Variants in PAK5 observed in about 807,000 individuals in gnomAD.
The protein encoded by PAK5 is p21 (RAC1) activated kinase 5.
In PAK5, 16 loss-of-function variants were observed where a neutral mutation model predicts 65.9. That is an observed-to-expected ratio of 0.24 (90% CI 0.16 to 0.37). PAK5 has a LOEUF of 0.37. Among genes scored for constraint, PAK5 ranks in the 10% least tolerant of loss-of-function variants. The probability of loss-of-function intolerance (pLI) is 1.00; values close to 1 mark genes in which losing one functional copy is unlikely to be tolerated. For missense variants in PAK5, 785 were observed against 903.9 expected (o/e 0.87, Z 1.69); for synonymous variants, 371 against 354.9 (o/e 1.05, Z -0.51).
At chr20:9,701,797 C>T (rs2047942317) in intron 2 of PAK5, among the ~76,000 whole-genome samples, 1 of 151,876 alleles carries the variant, frequency 6.6e-6, no homozygotes, top group Admixed American at 6.6e-5. Flanking sequence ...TCAGGAGTTC[C>T]AGAGCAGCCA....
intron 2 of PAK5, among the ~76,000 whole-genome samples, chr20:9,679,961 A>T (rs1221965178): frequency 6.6e-6 from 1 of 152,166 alleles, no homozygotes; most frequent in Non-Finnish European, 1.5e-5. Flanking sequence ...ACATACTAGT[A>T]TGTTTAGGGA....
At chr20:9,760,943 C>T (rs1017885395) in intron 1 of PAK5, among the ~76,000 whole-genome samples, 11 of 152,004 alleles carry the variant, frequency 7.2e-5, no homozygotes, top group Non-Finnish European at 1.5e-4. Context: ...CAAAGTGAAA[C>T]ATTGATACTC....
At chr20:9,638,078 G>A (rs754542570) in intron 3 of PAK5, among the ~76,000 whole-genome samples, 1 of 152,138 alleles carries the variant, frequency 6.6e-6, no homozygotes. Context: ...AATACCTAGG[G>A]TGGGGCTTGG....
chr20:9,667,890 G>A (rs1023394215), intron 2 of PAK5, among the ~76,000 whole-genome samples: 1 of 152,126 alleles, frequency 6.6e-6, no homozygotes, highest in African/African-American at 2.4e-5. Flanking sequence ...CCTGCCTAAT[G>A]TGTTTAATAG....
At chr20:9,571,932 C>T (rs2045792898) in intron 4 of PAK5, among the ~76,000 whole-genome samples, 1 of 149,922 alleles carries the variant, frequency 6.7e-6, no homozygotes, top group South Asian at 2.1e-4. Context: ...ATGATAACCA[C>T]AGAGATAAAG....
At chr20:9,542,825 T>TG in intron 8 of PAK5, 105 bp from the exon 9 acceptor site, 6 of 983,904 alleles carry the variant, frequency 6.1e-6, no homozygotes, top group Non-Finnish European at 9.2e-6. Flanking sequence ...ATGGCACTTG[T>TG]AACCTCTCAA....
At chr20:9,758,696 G>A (rs912074996) in intron 1 of PAK5, among the ~76,000 whole-genome samples, 2 of 152,104 alleles carry the variant, frequency 1.3e-5, no homozygotes, top group Non-Finnish European at 2.9e-5. Context: ...TGGAGTCTAG[G>A]TTGTTAAATA....
Position 9,557,602 on chromosome 20 carries a change from T to A in PAK5, c.1743+6A>T, listed in dbSNP as rs1603205963. 6.2e-7 allele frequency: 1 copy of A among 1,606,880 alleles called. No homozygotes were observed. Among genetic ancestry groups the A allele is most frequent in the Non-Finnish European group, 8.5e-7 (1 of 1,176,886 alleles). On this transcript the variant is annotated splice_donor_region_variant and intron_variant, in intron 7 of 9. Coordinates refer to ENST00000353224, the MANE Select transcript of PAK5 (RefSeq NM_177990.4). ...ACTACGAACGGGCCAAACATGAACA[T>A]CTTACCCGGCCATCGCTTGTCAGGA...
intron 3 of PAK5, among the ~76,000 whole-genome samples, chr20:9,598,192 G>A (rs1372781718): frequency 6.6e-6 from 1 of 152,126 alleles, no homozygotes; most frequent in African/African-American, 2.4e-5. Context: ...TCCCACTTAT[G>A]AGTGAGAACA....
chr20:9,664,943 A>G (rs1187338607), intron 2 of PAK5, among the ~76,000 whole-genome samples: 1 of 151,940 alleles, frequency 6.6e-6, no homozygotes, highest in Non-Finnish European at 1.5e-5. Flanking sequence ...TTGTTTTTTT[A>G]ACAGGCAGAG....
intron 1 of PAK5, among the ~76,000 whole-genome samples, chr20:9,746,516 C>A (rs947684970): frequency 2.6e-5 from 4 of 152,034 alleles, no homozygotes; most frequent in African/African-American, 9.7e-5. Flanking sequence ...ATTTGGACAC[C>A]CATGTAACAA....
chr20:9,578,798 C>A (rs2045930273), intron 4 of PAK5, among the ~76,000 whole-genome samples: 1 of 151,958 alleles, frequency 6.6e-6, no homozygotes, highest in South Asian at 2.1e-4. Context: ...GTCACCCTGG[C>A]AAGCACACAG....
At chr20:9,690,255 T>G (rs6141008) in intron 2 of PAK5, among the ~76,000 whole-genome samples, 1 of 152,080 alleles carries the variant, frequency 6.6e-6, no homozygotes, top group Admixed American at 6.6e-5. Context: ...TGCCCCCATG[T>G]GGGGTGTGTA....
chr20:9,790,890 T>C (rs554114088), intron 1 of PAK5, among the ~76,000 whole-genome samples: 77 of 152,254 alleles, frequency 5.1e-4, no homozygotes, highest in African/African-American at 1.8e-3. Flanking sequence ...CTCTGTACCA[T>C]ACACTCTTGT....
intron 2 of PAK5, among the ~76,000 whole-genome samples, chr20:9,657,027 T>C (rs1600206263): frequency 6.6e-6 from 1 of 152,192 alleles, no homozygotes; most frequent in African/African-American, 2.4e-5. Flanking sequence ...AATGTATGTA[T>C]ATATGTCTAT....
At chr20:9,788,622 C>A (rs972584744) in intron 1 of PAK5, among the ~76,000 whole-genome samples, 20 of 152,050 alleles carry the variant, frequency 1.3e-4, no homozygotes, top group African/African-American at 4.6e-4. Flanking sequence ...CATACAGTGC[C>A]TTGTCTTTTT....
At position 9,580,599 on chromosome 20, in the gene PAK5, T is replaced by C; in HGVS notation, c.536A>G (p.Glu179Gly). The stretch of plus-strand genomic sequence containing the variant: ...AGGCTTCACCTCAGAATAGTAGGCC[T>C]CCCCGTGCTTCATTTTCATTACGTG... The part of the protein sequence containing the change: ...NGHVMKMKHG[E>G]AYYSEVKPLK... Residue 179 changes from glutamate (E) to glycine (G), a missense_variant, in exon 4 of 10, where the codon GAG becomes GGG. Physicochemically the swap from Glu to Gly is moderately conservative, Grantham distance 98 (BLOSUM62 -2). Coordinates refer to ENST00000353224, the MANE Select transcript of PAK5 (RefSeq NM_177990.4). 1 of 1,614,088 alleles carries C rather than the reference T, an allele frequency of 6.2e-7. No homozygotes were observed. The highest frequency in any genetic ancestry group is 8.5e-7 in the Non-Finnish European group (1 of 1,179,990).
intron 1 of PAK5, among the ~76,000 whole-genome samples, chr20:9,825,543 C>T (rs992394695): frequency 6.6e-6 from 1 of 152,110 alleles, no homozygotes; most frequent in Admixed American, 6.5e-5. Flanking sequence ...CTACCTCCAG[C>T]AAGCTTAAGA....
In PAK5 at chr20:9,579,734, C is replaced by T. The variant is rs186958239; in HGVS notation, c.990+411G>A. On this transcript the variant is annotated intron_variant, in intron 4 of 9. Transcript: ENST00000353224. ...TGAGTTTCTTTCCTTTTTAGCAGGTCTATGCAAACTTTGCCAGGATGTAGG... is the reference window on the plus strand; with the variant it reads ...TGAGTTTCTTTCCTTTTTAGCAGGTTTATGCAAACTTTGCCAGGATGTAGG... 2.1e-3 allele frequency among the ~76,000 whole-genome samples: 318 copies of T among 152,244 alleles called. 1 individual carries two copies. Among genetic ancestry groups the T allele is most frequent in the Non-Finnish European group, 3.1e-3 (208 of 68,018 alleles).
Sources: allele counts gnomAD v4.1 joint callset (sites outside exome capture counted in the v4.1 genomes callset), GRCh38; gene constraint gnomAD v4.1.1; transcripts MANE v1.5; gene names NCBI Gene and HGNC (gene_info 2026-07-23, HGNC 2026-07-21).